The following PLCB1 variants were observed in gnomAD, a reference collection of about 807,000 sequenced individuals.
The protein encoded by PLCB1 is 1-phosphatidylinositol 4,5-bisphosphate phosphodiesterase beta-1.
A neutral mutation model predicts 161.8 loss-of-function variants in PLCB1; 46 were observed. The observed-to-expected ratio is 0.28, with a 90% CI of 0.22 to 0.36. The LOEUF (loss-of-function observed/expected upper bound fraction) is 0.36. Ranked by LOEUF, PLCB1 falls within the 10% of genes least tolerant of loss-of-function variation. The probability of loss-of-function intolerance (pLI) is 1.00; values close to 1 mark genes in which losing one functional copy is unlikely to be tolerated. For synonymous variants in PLCB1, 517 were observed against 503.7 expected, an observed-to-expected ratio of 1.03 and a Z score of -0.35; for missense variants, 1,016 against 1,472.5, an observed-to-expected ratio of 0.69 and a Z score of 5.07.
At chr20:8,701,257 C>T (rs906417716) in intron 11 of PLCB1, among the ~76,000 whole-genome samples, 3 of 152,288 alleles carry the variant, frequency 2.0e-5, no homozygotes, top group Middle Eastern at 3.4e-3. Context: ...TTTCTTACTG[C>T]TTTCCCCCTC....
intron 3 of PLCB1, among the ~76,000 whole-genome samples, chr20:8,512,769 A>G (rs1169455939): frequency 1.3e-5 from 2 of 152,150 alleles, no homozygotes; most frequent in Non-Finnish European, 2.9e-5. Context: ...TAATATATCC[A>G]TTACCTCACG....
intron 3 of PLCB1, among the ~76,000 whole-genome samples, chr20:8,440,368 T>G (rs552589062): frequency 6.6e-5 from 10 of 152,228 alleles, no homozygotes; most frequent in Non-Finnish European, 1.2e-4. Flanking sequence ...ACTTTAGTCA[T>G]GTTTTTATTG....
chr20:8,404,592 A>G (rs1600378490), intron 3 of PLCB1, among the ~76,000 whole-genome samples: 1 of 152,340 alleles, frequency 6.6e-6, no homozygotes, highest in South Asian at 2.1e-4. Context: ...TCAATTTGCA[A>G]CTGAAGTATG....
intron 31 of PLCB1, among the ~76,000 whole-genome samples, chr20:8,800,719 G>T (rs1254265518): frequency 1.6e-5 from 2 of 128,220 alleles, no homozygotes; most frequent in Admixed American, 1.7e-4. Context: ...ATCCAAAAAA[G>T]AAAAAAGCTT....
chr20:8,733,965 A>G (rs6133614), intron 19 of PLCB1, among the ~76,000 whole-genome samples: 1 of 84,206 alleles, frequency 1.2e-5, no homozygotes, highest in Admixed American at 1.3e-4. Flanking sequence ...ACTAAAAAAT[A>G]CAAAAAAAAA....
intron 31 of PLCB1, among the ~76,000 whole-genome samples, chr20:8,861,369 G>C (rs567261118): frequency 6.6e-6 from 1 of 152,308 alleles, no homozygotes; most frequent in African/African-American, 2.4e-5. Context: ...ATTAGTTGGT[G>C]AGTTCAGTCA....
At chr20:8,468,060 C>T (rs1981895263) in intron 3 of PLCB1, among the ~76,000 whole-genome samples, 2 of 152,060 alleles carry the variant, frequency 1.3e-5, no homozygotes, top group South Asian at 4.1e-4. Flanking sequence ...AAGTCATGTG[C>T]AAAAGACTAC....
At chr20:8,498,326 A>G (rs1038602360) in intron 3 of PLCB1, among the ~76,000 whole-genome samples, 1 of 152,088 alleles carries the variant, frequency 6.6e-6, no homozygotes, top group Non-Finnish European at 1.5e-5. Flanking sequence ...CGATCTCCTG[A>G]CCTCATGATC....
In PLCB1 at chr20:8,583,704, G is replaced by A. The variant is rs141027138; in HGVS notation, c.247-44590G>A. ...AAGTAATCTCAAAAATGCTTTCAAG[G>A]AGAGTTTTCAATTTTGCATTTTGAA... is the stretch of plus-strand genomic sequence containing the variant. On this transcript the variant is annotated intron_variant, in intron 3 of 31. Transcript: ENST00000338037. Among the ~76,000 whole-genome samples the A allele has an allele frequency of 4.5e-3, 682 of 152,276 alleles. 6 individuals are homozygous for A. Among genetic ancestry groups the A allele is most frequent in the African/African-American group, 0.013 (552 of 41,548 alleles).
intron 3 of PLCB1, among the ~76,000 whole-genome samples, chr20:8,549,126 G>T (rs1285667744): frequency 6.6e-6 from 1 of 152,082 alleles, no homozygotes; most frequent in Non-Finnish European, 1.5e-5. Context: ...TAACAAGCCT[G>T]CATGTTCTGC....
intron 3 of PLCB1, among the ~76,000 whole-genome samples, chr20:8,591,389 A>C (rs1987146587): frequency 6.6e-6 from 1 of 152,220 alleles, no homozygotes; most frequent in Non-Finnish European, 1.5e-5. Flanking sequence ...AAGCAAAAGA[A>C]GCCAAAAAAA....
At chr20:8,589,488 G>A (rs1987083978) in intron 3 of PLCB1, among the ~76,000 whole-genome samples, 1 of 152,062 alleles carries the variant, frequency 6.6e-6, no homozygotes. Context: ...CTAAGATCAA[G>A]GTGCCAGCAG....
chr20:8,702,679 T>C (rs1212760012), intron 11 of PLCB1, among the ~76,000 whole-genome samples: 4 of 152,220 alleles, frequency 2.6e-5, no homozygotes, highest in African/African-American at 9.6e-5. Context: ...TTGAATCTAG[T>C]GTTACAAGTC....
At chr20:8,879,931 G>T (rs1600111516) in intron 31 of PLCB1, among the ~76,000 whole-genome samples, 1 of 152,102 alleles carries the variant, frequency 6.6e-6, no homozygotes, top group Admixed American at 6.5e-5. Context: ...GGGGCTGAGA[G>T]TAGAACCCAG....
chr20:8,226,756 C>T (rs942508489), intron 2 of PLCB1, among the ~76,000 whole-genome samples: 9 of 151,212 alleles, frequency 6.0e-5, no homozygotes, highest in Admixed American at 2.0e-4. Flanking sequence ...GGCGCAATCT[C>T]GGCTCACTGC....
chr20:8,173,454 A>G (rs966548513), intron 2 of PLCB1, among the ~76,000 whole-genome samples: 8 of 152,344 alleles, frequency 5.3e-5, no homozygotes, highest in Non-Finnish European at 1.2e-4. Flanking sequence ...TCTGAAAATT[A>G]AACCATCGGT....
At chr20:8,287,306 T>C (rs964283702) in intron 2 of PLCB1, among the ~76,000 whole-genome samples, 5 of 152,204 alleles carry the variant, frequency 3.3e-5, no homozygotes, top group Non-Finnish European at 7.3e-5. Context: ...TACATGTACA[T>C]TGATTTTTTA....
rs1387290355 is a variant in PLCB1 at position 8,385,668 on chromosome 20, C to T, written c.246+14218C>T. Among the ~76,000 whole-genome samples the T allele has an allele frequency of 4.6e-5, 7 of 152,312 alleles. No homozygotes were observed. The East Asian group carries it at 7.8e-4, about 17-fold the overall frequency. On this transcript the variant is annotated intron_variant, in intron 3 of 31. Coordinates refer to ENST00000338037, the MANE Select transcript of PLCB1 (RefSeq NM_015192.4). Reference sequence around the variant, plus strand: ...GCGTGGGTTCACGAGTGGGATCTTCCGATCCATGGGTTGCACAGTTCTGTG... The same window carrying T: ...GCGTGGGTTCACGAGTGGGATCTTCTGATCCATGGGTTGCACAGTTCTGTG...
Position 8,442,003 on chromosome 20 carries a change from C to T in PLCB1, c.246+70553C>T, listed in dbSNP as rs537694872. On this transcript the variant is annotated intron_variant, in intron 3 of 31. Coordinates refer to ENST00000338037, the MANE Select transcript of PLCB1 (RefSeq NM_015192.4). ...TTCAGATTTAAAACACACACACATA[C>T]GCAGAAGACACACTGAATATGATTG... Among the ~76,000 whole-genome samples, 12 of 152,106 alleles carry T rather than the reference C, an allele frequency of 7.9e-5. 1 individual carries two copies. Among genetic ancestry groups the T allele is most frequent in the African/African-American group, 1.4e-4 (6 of 41,494 alleles).
Sources: gnomAD v4.1 joint callset for allele counts (sites outside exome capture counted in the v4.1 genomes callset) on GRCh38, gnomAD v4.1.1 for gene constraint, MANE v1.5 for transcripts, NCBI Gene and HGNC (gene_info 2026-07-23, HGNC 2026-07-21) for gene names.